The following TBC1D31 variants were observed in gnomAD, a reference collection of about 807,000 sequenced individuals.
The protein encoded by TBC1D31 is WD repeat domain 67.
In TBC1D31, 99 loss-of-function variants were observed where a neutral mutation model predicts 132.9. The ratio of observed to expected loss-of-function variants is 0.74; its 90% CI spans 0.63 to 0.88. The LOEUF is 0.88. TBC1D31 is among the 40% of genes least tolerant of loss of function. The pLI, the probability that TBC1D31 is intolerant of heterozygous loss-of-function variation, is 0.00. For missense variants in TBC1D31, 1,134 were observed against 1,256.6 expected, an observed-to-expected ratio of 0.90 and a Z score of 1.48; for synonymous variants, 385 against 419.4, an observed-to-expected ratio of 0.92 and a Z score of 1.00.
intron 18 of TBC1D31, among the ~76,000 whole-genome samples, chr8:123,141,240 A>G (rs1563752661): frequency 6.6e-6 from 1 of 152,242 alleles, no homozygotes; most frequent in Non-Finnish European, 1.5e-5. Flanking sequence ...TACAAATTTT[A>G]CTGTCCTTCT....
intron 10 of TBC1D31, among the ~76,000 whole-genome samples, chr8:123,113,237 T>G (rs1322667011): frequency 6.6e-6 from 1 of 152,196 alleles, no homozygotes; most frequent in Non-Finnish European, 1.5e-5. Context: ...CTTATAATTT[T>G]TCCGTATCCT....
At chr8:123,148,462 C>G (rs1387299522) in intron 20 of TBC1D31, among the ~76,000 whole-genome samples, 1 of 152,046 alleles carries the variant, frequency 6.6e-6, no homozygotes, top group African/African-American at 2.4e-5. Flanking sequence ...TCAGCTCTGG[C>G]TGGGCACGGT....
At chr8:123,148,622 G>T (rs1204361175) in intron 20 of TBC1D31, among the ~76,000 whole-genome samples, 1 of 152,180 alleles carries the variant, frequency 6.6e-6, no homozygotes, top group African/African-American at 2.4e-5. Flanking sequence ...TTCGCGTCTT[G>T]TCTGTGCAGC....
the TBC1D31 span, among the ~76,000 whole-genome samples, chr8:123,159,562 C>A: frequency 6.6e-6 from 1 of 152,112 alleles, no homozygotes; most frequent in East Asian, 1.9e-4. Context: ...GAGGCCTAGG[C>A]GGGAGGACCA....
chr8:123,134,190 AGAGACTTTAT>A lies in TBC1D31; in HGVS notation c.2488_2497del (p.Leu830ArgfsTer35). On this transcript the variant is annotated frameshift_variant, in exon 17 of 22. Transcript: ENST00000287380. LOFTEE classifies it high-confidence loss of function. ...AGACAGCTGGAACTCGAATCACAAA[AGAGACTTTAT>A]GAGAAGGTATAATTCAGTTATTTCC... 1 of 1,613,952 alleles carries A rather than the reference AGAGACTTTAT, an allele frequency of 6.2e-7. No individual in the cohort carries two copies. Among genetic ancestry groups the A allele is most frequent in the Non-Finnish European group, 8.5e-7 (1 of 1,179,852 alleles).
intron 20 of TBC1D31, among the ~76,000 whole-genome samples, chr8:123,147,693 T>C (rs1369505298): frequency 6.6e-6 from 1 of 152,144 alleles, no homozygotes; most frequent in Non-Finnish European, 1.5e-5. Flanking sequence ...TAGAGATAAT[T>C]TGATTAATAA....
chr8:123,076,905 G>A (rs1814582170), intron 1 of TBC1D31, among the ~76,000 whole-genome samples: 1 of 152,126 alleles, frequency 6.6e-6, no homozygotes, highest in Non-Finnish European at 1.5e-5. Context: ...TTTGATGAAT[G>A]AATAAACAGT....
chr8:123,128,834 C>G (rs1344346725), intron 14 of TBC1D31, among the ~76,000 whole-genome samples: 1 of 151,724 alleles, frequency 6.6e-6, no homozygotes, highest in East Asian at 1.9e-4. Flanking sequence ...GGAGATCATG[C>G]CATTGCACTC....
intron 6 of TBC1D31, among the ~76,000 whole-genome samples, chr8:123,099,264 C>G (rs896327569): frequency 6.6e-6 from 1 of 151,992 alleles, no homozygotes; most frequent in African/African-American, 2.4e-5. Flanking sequence ...GGACTATAGG[C>G]GCCTGCCACC....
At chr8:123,148,953 A>AG (rs1197689352) in intron 20 of TBC1D31, among the ~76,000 whole-genome samples, 3 of 152,098 alleles carry the variant, frequency 2.0e-5, no homozygotes, top group African/African-American at 7.2e-5. Context: ...AGACTGAGGC[A>AG]GGAGAATCGC....
At chr8:123,082,993 A>G (rs1303334895) in intron 3 of TBC1D31, 176 bp downstream of exon 3, 1 of 553,082 alleles carries the variant, frequency 1.8e-6, no homozygotes, top group African/African-American at 1.9e-5. Context: ...AGTTGACTAC[A>G]AAGTCAGGGT....
At chr8:123,077,388 T>C (rs1443006782) in intron 2 of TBC1D31, 131 bp downstream of exon 2, 2 of 891,080 alleles carry the variant, frequency 2.2e-6, no homozygotes, top group Non-Finnish European at 3.2e-6. Context: ...CCTTGCAAAA[T>C]ACTGTCATAA....
Position 123,084,165 on chromosome 8 carries a change from C to T in TBC1D31, c.344C>T (p.Thr115Ile). Residue 115 changes from threonine to isoleucine, a missense_variant, in exon 4 of 22, where the codon ACC (threonine) becomes ATC (isoleucine). By Grantham distance (89) the Thr-to-Ile change is moderately conservative. Coordinates refer to ENST00000287380, the MANE Select transcript of TBC1D31 (RefSeq NM_145647.4). ...DYSIKCFDTV[T>I]KELVSWMRGH... ...ACAATTTTACTTTTTACCACAGTCA[C>T]CAAGGAGCTAGTTAGCTGGATGAGA... 1 of 1,613,744 alleles carries T rather than the reference C, an allele frequency of 6.2e-7. No individual in the cohort carries two copies. The highest frequency in any genetic ancestry group is 2.2e-5 in the East Asian group (1 of 44,878).
chr8:123,097,068 A>G (rs1363048215), intron 5 of TBC1D31, among the ~76,000 whole-genome samples: 1 of 152,228 alleles, frequency 6.6e-6, no homozygotes, highest in Non-Finnish European at 1.5e-5. Flanking sequence ...TGTCCATGCA[A>G]GTATTTGAAT....
chr8:123,085,781 T>C (rs943152447), intron 4 of TBC1D31, among the ~76,000 whole-genome samples: 1 of 152,248 alleles, frequency 6.6e-6, no homozygotes, highest in Middle Eastern at 3.2e-3. Context: ...TATTGCTGTT[T>C]AGAATTCCAT....
chr8:123,087,873 A>G (rs894238201), intron 4 of TBC1D31, among the ~76,000 whole-genome samples: 2 of 152,216 alleles, frequency 1.3e-5, no homozygotes, highest in Non-Finnish European at 2.9e-5. Flanking sequence ...GTGTGCATAT[A>G]GTAAATTGCT....
intron 17 of TBC1D31, 27 bp downstream of exon 17, chr8:123,134,233 G>A (rs1367534727): frequency 6.2e-7 from 1 of 1,601,282 alleles, no homozygotes; most frequent in Non-Finnish European, 8.6e-7. Flanking sequence ...TCCAACATAA[G>A]AAAAGCAGGT....
intron 18 of TBC1D31, among the ~76,000 whole-genome samples, chr8:123,141,949 C>T (rs1358863751): frequency 4.0e-5 from 6 of 149,216 alleles, no homozygotes. Flanking sequence ...CAACCTCCAC[C>T]TCCTGGGTTC....
downstream of TBC1D31, among the ~76,000 whole-genome samples, chr8:123,155,967 G>A (rs1419981482): frequency 6.6e-6 from 1 of 152,130 alleles, no homozygotes; most frequent in Non-Finnish European, 1.5e-5. The surrounding 1 kb of genome is among the most constrained non-coding windows in gnomAD (Gnocchi z 4.1). Context: ...CCAACCCGTG[G>A]TTATTTTCTG....
Sources: allele counts gnomAD v4.1 joint callset (sites outside exome capture counted in the v4.1 genomes callset), GRCh38; gene constraint gnomAD v4.1.1; non-coding constraint Gnocchi (gnomAD v3.1); transcripts MANE v1.5; gene names NCBI Gene and HGNC (gene_info 2026-07-23, HGNC 2026-07-21).